The following PYHIN1 variants were observed in gnomAD, a reference collection of about 807,000 sequenced individuals.
The protein encoded by PYHIN1 is pyrin and HIN domain-containing protein 1.
A neutral mutation model predicts 43.7 loss-of-function variants in PYHIN1; 32 were observed. That is an observed-to-expected ratio of 0.73 (90% confidence interval 0.55 to 0.98). The LOEUF (loss-of-function observed/expected upper bound fraction) is 0.98. PYHIN1 is among the 50% of genes least tolerant of loss of function. The pLI is 0.00. For missense variants in PYHIN1, 588 were observed against 589.5 expected, an observed-to-expected ratio of 1.00 and a Z score of 0.03; for synonymous variants, 205 against 203.1, an observed-to-expected ratio of 1.01 and a Z score of -0.08.
intron 7 of PYHIN1, among the ~76,000 whole-genome samples, chr1:158,969,446 CCTT>C (rs1220380552): frequency 2.6e-4 from 40 of 151,894 alleles, no homozygotes; most frequent in Non-Finnish European, 4.4e-5. Context: ...CTCTGACCAA[CCTT>C]CTTTCTGCAT....
Position 158,976,214 on chromosome 1 carries a change from T to C in PYHIN1, c.*6-487T>C, listed in dbSNP as rs149922576. The stretch of plus-strand genomic sequence containing the variant: ...GAACAAATAAAGGCTAATATTGGAA[T>C]GCAAAAAGATCAGAATAAAGGCTAA... On this transcript the variant is annotated intron_variant, in intron 8 of 8. Transcript: ENST00000368140. 3.6e-3 allele frequency among the ~76,000 whole-genome samples: 548 copies of C among 152,214 alleles called. 4 individuals are homozygous for C. The highest frequency in any genetic ancestry group is 0.012 in the African/African-American group (516 of 41,552).
chr1:158,952,301 G>A (rs541588906), intron 7 of PYHIN1, among the ~76,000 whole-genome samples: 5 of 151,990 alleles, frequency 3.3e-5, no homozygotes, highest in Admixed American at 6.6e-5. Context: ...CCCCGCTGCC[G>A]AGCCTTTCTT....
intron 1 of PYHIN1, among the ~76,000 whole-genome samples, chr1:158,932,613 AAAT>A: frequency 6.6e-6 from 1 of 152,350 alleles, no homozygotes; most frequent in African/African-American, 2.4e-5. Flanking sequence ...AACATTTTGT[AAAT>A]AATATTATTC....
At chr1:158,982,340 G>C in the PYHIN1 span, among the ~76,000 whole-genome samples, 1 of 152,140 alleles carries the variant, frequency 6.6e-6, no homozygotes, top group South Asian at 2.1e-4. Context: ...AAGGGTTCCA[G>C]TTTTAATTTT....
the PYHIN1 span, among the ~76,000 whole-genome samples, chr1:158,985,315 C>T: frequency 6.6e-6 from 1 of 152,272 alleles, no homozygotes; most frequent in East Asian, 1.9e-4. Context: ...ATGTTCAGCA[C>T]TCCCTGAAGG....
Position 158,941,554 on chromosome 1 carries a change from T to C in PYHIN1, c.580-423T>C, listed in dbSNP as rs114372972. On this transcript the variant is annotated intron_variant, in intron 4 of 8. Coordinates refer to ENST00000368140, the MANE Select transcript of PYHIN1 (RefSeq NM_152501.5). ...AATAACTAAACACTGTTGATGTATG[T>C]GGTTTGTGGTGGACACCCTTTACCA... is the stretch of plus-strand genomic sequence containing the variant. Among the ~76,000 whole-genome samples, 1,471 of 152,328 alleles carry C rather than the reference T, an allele frequency of 9.7e-3. 22 individuals carry two copies. The highest frequency in any genetic ancestry group is 0.033 in the African/African-American group (1,352 of 41,586).
intron 2 of PYHIN1, 145 bp downstream of exon 2, chr1:158,937,320 C>A: frequency 3.5e-6 from 3 of 852,990 alleles, no homozygotes; most frequent in Non-Finnish European, 5.3e-6. Flanking sequence ...CTTCAGATGC[C>A]AACAAGTTGA....
At position 158,939,263 on chromosome 1, in the gene PYHIN1, T is replaced by A. The variant is rs763496587; in HGVS notation, c.579+16T>A. The A allele has an allele frequency of 8.2e-6, 13 of 1,587,004 alleles. No homozygotes were observed. Among genetic ancestry groups the A allele is most frequent in the Non-Finnish European group, 9.4e-6 (11 of 1,165,488 alleles). On this transcript the variant is annotated intron_variant, in intron 4 of 8. Transcript: ENST00000368140. ...CTCAACTGAGGTACACTCTTCCTGG[T>A]CCCCTTTTGATTCATTTTCTTCAAC...
intron 7 of PYHIN1, among the ~76,000 whole-genome samples, chr1:158,968,537 A>ATC (rs942443647): frequency 6.6e-6 from 1 of 152,048 alleles, no homozygotes; most frequent in African/African-American, 2.4e-5. Context: ...GCAGTGTGAC[A>ATC]ATTCCTCAAA....
intron 7 of PYHIN1, among the ~76,000 whole-genome samples, chr1:158,958,456 G>C (rs1650103047): frequency 6.8e-6 from 1 of 148,084 alleles, no homozygotes; most frequent in Non-Finnish European, 1.5e-5. Flanking sequence ...GTCCTTTGTA[G>C]GGACATGGAT....
intron 7 of PYHIN1, among the ~76,000 whole-genome samples, chr1:158,950,513 T>G (rs966531443): frequency 6.6e-6 from 1 of 152,182 alleles, no homozygotes; most frequent in African/African-American, 2.4e-5. Flanking sequence ...TGAGGGTGTG[T>G]GGACACAAGC....
At chr1:158,935,218 T>C (rs1238977660) in intron 1 of PYHIN1, among the ~76,000 whole-genome samples, 1 of 150,412 alleles carries the variant, frequency 6.6e-6, no homozygotes, top group African/African-American at 2.5e-5. Flanking sequence ...GAGAAGAGAA[T>C]TAGCAAAGTC....
chr1:158,976,157 T>G (rs1214435896), intron 8 of PYHIN1, among the ~76,000 whole-genome samples: 2 of 152,110 alleles, frequency 1.3e-5, no homozygotes, highest in African/African-American at 2.4e-5. Context: ...AAGTTTATGC[T>G]GTTTGTCACA....
In PYHIN1 at chr1:158,938,417, A is replaced by G; in HGVS notation, c.286A>G (p.Ile96Val). ...ATTAGTTGCAAATAAAATTGAATCC[A>G]TTCCAGTCAAAGGAATAATCCCATC... ...KLKVANKIESIPVKGIIPSKK... is the reference protein window; with the variant it reads ...KLKVANKIESVPVKGIIPSKK... The change falls in exon 3 of 9, where the codon ATT (isoleucine) becomes GTT (valine). Residue 96 changes from isoleucine to valine, a missense_variant. Coordinates refer to ENST00000368140, the MANE Select transcript of PYHIN1 (RefSeq NM_152501.5). 1 of 1,614,216 alleles carries G rather than the reference A, an allele frequency of 6.2e-7. No homozygotes were observed. The highest frequency in any genetic ancestry group is 8.5e-7 in the Non-Finnish European group (1 of 1,180,012).
chr1:158,979,077 A>G (rs145964704), downstream of PYHIN1, among the ~76,000 whole-genome samples: 23 of 152,322 alleles, frequency 1.5e-4, no homozygotes, highest in East Asian at 4.4e-3. Context: ...TTATGATTGG[A>G]AGAGGCAAAT....
chr1:158,957,336 A>G (rs991545685), intron 7 of PYHIN1, among the ~76,000 whole-genome samples: 2 of 151,912 alleles, frequency 1.3e-5, no homozygotes, highest in Non-Finnish European at 2.9e-5. Context: ...GAGGCATCAC[A>G]CTACCTGACT....
At chr1:158,962,392 T>C (rs1401583321) in intron 7 of PYHIN1, among the ~76,000 whole-genome samples, 1 of 152,130 alleles carries the variant, frequency 6.6e-6, no homozygotes, top group Non-Finnish European at 1.5e-5. Context: ...TGGGCAGTGA[T>C]TAGTGATGGG....
At chr1:158,965,594 TCCAACCA>T (rs1446193225) in intron 7 of PYHIN1, among the ~76,000 whole-genome samples, 1 of 152,074 alleles carries the variant, frequency 6.6e-6, no homozygotes, top group Non-Finnish European at 1.5e-5. Flanking sequence ...AGAAAATGGC[TCCAACCA>T]TACAATTACA....
intron 7 of PYHIN1, among the ~76,000 whole-genome samples, chr1:158,953,389 C>T (rs1013251038): frequency 4.0e-4 from 60 of 150,924 alleles, no homozygotes; most frequent in East Asian, 5.8e-4. Context: ...TCTCCCAGCA[C>T]GCAGCTGGAG....
Sources: gnomAD v4.1 joint callset for allele counts (sites outside exome capture counted in the v4.1 genomes callset) on GRCh38, gnomAD v4.1.1 for gene constraint, MANE v1.5 for transcripts, NCBI Gene and HGNC (gene_info 2026-07-23, HGNC 2026-07-21) for gene names.